Variants in HNRNPAB observed in about 807,000 individuals in gnomAD.
HNRNPAB encodes the protein ABBP-1.
HNRNPAB carries 17 observed loss-of-function variants against 44.1 expected under a neutral mutation model. The ratio of observed to expected loss-of-function variants is 0.39; its 90% confidence interval spans 0.26 to 0.58. The LOEUF is 0.58. Ranked by LOEUF, HNRNPAB falls within the 20% of genes least tolerant of loss-of-function variation. The pLI is 0.63. For missense variants in HNRNPAB, 393 were observed against 432.7 expected (o/e 0.91, Z 0.81); for synonymous variants, 183 against 167.6 (o/e 1.09, Z -0.71).
At chr5:178,210,415 A>G in intron 7 of HNRNPAB, 138 bp from the exon 8 acceptor site, 1 of 1,536,840 alleles carries the variant, frequency 6.5e-7, no homozygotes, top group Admixed American at 1.9e-5. Context: ...TGAGCCTTAG[A>G]CTTCGGGGTC....
intron 4 of HNRNPAB, 66 bp downstream of exon 4, chr5:178,206,956 A>G (rs1177961688): frequency 8.7e-6 from 14 of 1,600,018 alleles, no homozygotes; most frequent in Non-Finnish European, 1.1e-5. Flanking sequence ...GGTCCTTGGT[A>G]TCCTTGGCTG....
chr5:178,209,284 C>T (rs1171950205), intron 5 of HNRNPAB, 46 bp from the exon 6 acceptor site: 1 of 1,484,536 alleles, frequency 6.7e-7, no homozygotes, highest in Non-Finnish European at 9.4e-7. Flanking sequence ...CAGTCACTGC[C>T]CTGAGTTTGT....
At position 178,205,894 on chromosome 5, in the gene HNRNPAB, G is replaced by C. The variant is rs1757038261; in HGVS notation, c.262G>C (p.Asp88His). The C allele has an allele frequency of 6.2e-7, 1 of 1,614,004 alleles. No individual in the cohort carries two copies. Among genetic ancestry groups the C allele is most frequent in the Non-Finnish European group, 8.5e-7 (1 of 1,179,980 alleles). ...GGATACTAGCAAAAAAGATTTAAAAGACTATTTTACTAAATTTGGAGAGGT... is the reference window on the plus strand; with the variant it reads ...GGATACTAGCAAAAAAGATTTAAAACACTATTTTACTAAATTTGGAGAGGT... ...SWDTSKKDLK[D>H]YFTKFGEVVD... Residue 88 changes from aspartate to histidine, a missense_variant, in exon 3 of 8, where the codon GAC (aspartate) becomes CAC (histidine). Asp to His is a moderately conservative substitution (Grantham distance 81). Around this residue, in one of 3 missense-constraint regions of HNRNPAB, gnomAD observed 102 missense variants for 162.3 expected, o/e 0.63. Coordinates refer to ENST00000358344, the MANE Select transcript of HNRNPAB (RefSeq NM_031266.3).
rs1581190077 is a variant in HNRNPAB, at chr5:178,210,672, A to G, written c.*49A>G. ...GATCGCACACATGCTTTGTTTGGAT[A>G]TGGAGTGAACACAATTATGTACCAA... On this transcript the variant is annotated 3_prime_UTR_variant, in exon 8 of 8. Transcript: ENST00000358344. The G allele has an allele frequency of 7.1e-7, 1 of 1,418,008 alleles. No individual in the cohort carries two copies. The allele number at this position is 1,418,008 out of a possible 1,614,324, so 87.8% of individuals were successfully genotyped here. A position where few individuals can be genotyped will look rare whatever the true frequency, so the allele number is the denominator to read the frequency against.
intron 7 of HNRNPAB, 62 bp from the exon 8 acceptor site, chr5:178,210,491 A>G: frequency 6.5e-7 from 1 of 1,543,148 alleles, no homozygotes; most frequent in Non-Finnish European, 9.0e-7. Flanking sequence ...GATGCATATC[A>G]AGCGCGTGGC....
rs1358540192 is a variant in HNRNPAB, at chr5:178,210,614, G to C, written c.990G>C (p.Lys330Asn). 6.2e-7 allele frequency: 1 copy of C among 1,613,890 alleles called. No homozygotes were observed. Among genetic ancestry groups the C allele is most frequent in the Admixed American group, 1.7e-5 (1 of 60,028 alleles). The change falls in exon 8 of 8, where the codon AAG becomes AAC. Residue 330 changes from lysine (K) to asparagine (N), a missense_variant. Around this residue, in one of 3 missense-constraint regions of HNRNPAB, gnomAD observed 210 missense variants for 196.9 expected, o/e 1.07. Transcript: ENST00000358344. ...QRRGGHQNNY[K>N]PY ...GTGGTGGCCATCAGAATAACTACAA[G>C]CCATACTGAGGCGGCAGCAGGAGCG...
At chr5:178,208,692 C>T (rs918915227) in intron 5 of HNRNPAB, 1 of 152,354 alleles carries the variant, frequency 6.6e-6, no homozygotes, top group Admixed American at 6.5e-5. Context: ...GTATCCCACC[C>T]TACCCCATTC....
At chr5:178,210,416 C>A in intron 7 of HNRNPAB, 137 bp from the exon 8 acceptor site, 1 of 1,530,420 alleles carries the variant, frequency 6.5e-7, no homozygotes. Context: ...GAGCCTTAGA[C>A]TTCGGGGTCT....
At chr5:178,206,084 A>T in intron 3 of HNRNPAB, 74 bp downstream of exon 3, 2 of 1,412,710 alleles carry the variant, frequency 1.4e-6, no homozygotes, top group Non-Finnish European at 2.0e-6. Flanking sequence ...TTCTTAAAGC[A>T]TGACTAGTTT....
Position 178,211,055 on chromosome 5 carries a change from C to T in HNRNPAB, c.*432C>T. 1 of 191,248 alleles carries T rather than the reference C, an allele frequency of 5.2e-6. No individual in the cohort carries two copies. Among genetic ancestry groups the T allele is most frequent in the Non-Finnish European group, 1.1e-5 (1 of 92,004 alleles). The allele number at this position is 191,248 out of a possible 1,614,324, so 11.8% of individuals were successfully genotyped here. On this transcript the variant is annotated 3_prime_UTR_variant, in exon 8 of 8. Transcript: ENST00000358344. ...TTAATTTTACTGTACTTTTTGGTAC[C>T]TTTTGGGAATCTAATGTATTGTAAG...
chr5:178,210,745 TA>T lies in HNRNPAB; in HGVS notation c.*126del. On this transcript the variant is annotated 3_prime_UTR_variant, in exon 8 of 8. Transcript: ENST00000358344. The stretch of plus-strand genomic sequence containing the variant: ...TTGCCTGTCCCATGTGCATCTTATT[TA>T]AAATTTCCCCCATGGAAATCACTCT... 2 of 756,112 alleles carry T rather than the reference TA, an allele frequency of 2.6e-6. 1 individual carries two copies. The highest frequency in any genetic ancestry group is 3.1e-5 in the South Asian group (2 of 65,444). The allele number at this position is 756,112 out of a possible 1,614,324, so 46.8% of individuals were successfully genotyped here.
At chr5:178,208,069 TG>T (rs1561663418) in intron 5 of HNRNPAB, among the ~76,000 whole-genome samples, 1 of 152,150 alleles carries the variant, frequency 6.6e-6, no homozygotes, top group Non-Finnish European at 1.5e-5. Context: ...CAGGGTCAGT[TG>T]TGCTTTCAAA....
chr5:178,210,266 G>C lies in HNRNPAB; in HGVS notation c.922G>C (p.Asp308His). The C allele has an allele frequency of 1.2e-6, 2 of 1,614,094 alleles. No individual in the cohort carries two copies. The highest frequency in any genetic ancestry group is 1.7e-6 in the Non-Finnish European group (2 of 1,179,998). The change falls in exon 7 of 8, where the codon GAC (aspartate) becomes CAC (histidine). Residue 308 changes from aspartate (D) to histidine (H), a missense_variant. Asp to His is a moderately conservative substitution (Grantham distance 81). This residue lies in a region of HNRNPAB where 210 missense variants were observed against 196.9 expected (regional missense o/e 1.07). Transcript: ENST00000358344. ...CTATTACGGCTACGGCCCCGGCTAC[G>C]ACTACAGTAAGTAGGAGAGAGGGAG... ...YGYYGYGPGY[D>H]YSQGSTNYGK... is the part of the protein sequence containing the mutation.
At position 178,206,713 on chromosome 5, in the gene HNRNPAB, C is replaced by T. The variant is rs1340469888; in HGVS notation, c.379-19C>T. ...GGCTCGTGCTGCTGAGTCAGCCTGA[C>T]CCCTTTCTGTTGGAACAGGTCCTAG... On this transcript the variant is annotated intron_variant, in intron 3 of 7. Coordinates refer to ENST00000358344, the MANE Select transcript of HNRNPAB (RefSeq NM_031266.3). 2 of 1,612,102 alleles carry T rather than the reference C, an allele frequency of 1.2e-6. No homozygotes were observed. The highest frequency in any genetic ancestry group is 1.7e-6 in the Non-Finnish European group (2 of 1,179,318).
At chr5:178,206,127 C>A in intron 3 of HNRNPAB, 117 bp downstream of exon 3, 2 of 937,334 alleles carry the variant, frequency 2.1e-6, no homozygotes, top group Non-Finnish European at 3.3e-6. Context: ...GTGCTTTGGG[C>A]AAAACCCAAA....
At chr5:178,206,444 G>A (rs567880660) in intron 3 of HNRNPAB, among the ~76,000 whole-genome samples, 2 of 152,190 alleles carry the variant, frequency 1.3e-5, no homozygotes, top group African/African-American at 4.8e-5. Context: ...TTCAGCCTAT[G>A]CTCCGAGTCC....
chr5:178,207,562 A>C (rs1332926338), intron 5 of HNRNPAB, among the ~76,000 whole-genome samples: 1 of 152,084 alleles, frequency 6.6e-6, no homozygotes, highest in African/African-American at 2.4e-5. Flanking sequence ...CCTGCAGTTT[A>C]AGGTCTCAGA....
At chr5:178,207,856 C>T (rs374146494) in intron 5 of HNRNPAB, among the ~76,000 whole-genome samples, 2 of 152,066 alleles carry the variant, frequency 1.3e-5, no homozygotes, top group East Asian at 3.9e-4. Context: ...GCATGTACCA[C>T]CATGCCTGGC....
At chr5:178,205,547 A>G (rs987461491) in intron 2 of HNRNPAB, 3 of 248,908 alleles carry the variant, frequency 1.2e-5, no homozygotes, top group Non-Finnish European at 2.3e-5. Context: ...CCTTTGCTAC[A>G]TGGTTGTAGA....
Sources: allele counts gnomAD v4.1 joint callset (sites outside exome capture counted in the v4.1 genomes callset), GRCh38; gene constraint gnomAD v4.1.1; regional missense constraint gnomAD v4.1.1; transcripts MANE v1.5; gene names NCBI Gene and HGNC (gene_info 2026-07-23, HGNC 2026-07-21).